The following DOCK7 variants were observed in gnomAD, a reference collection of about 807,000 sequenced individuals.
DOCK7 encodes dedicator of cytokinesis protein 7.
In DOCK7, 138 loss-of-function variants were observed where a neutral mutation model predicts 271.0. The ratio of observed to expected loss-of-function variants is 0.51; its 90% CI spans 0.44 to 0.59. DOCK7 has a LOEUF of 0.59. Among genes scored for constraint, DOCK7 ranks in the 20% least tolerant of loss-of-function variants. DOCK7 has a pLI of 0.00. For missense variants in DOCK7, 2,066 were observed against 2,592.4 expected, an observed-to-expected ratio of 0.80 and a Z score of 4.41; for synonymous variants, 823 against 876.1, an observed-to-expected ratio of 0.94 and a Z score of 1.07.
intron 14 of DOCK7, chr1:62,598,724 T>C (rs201752007): frequency 1.3e-5 from 21 of 1,610,708 alleles, no homozygotes; most frequent in Non-Finnish European, 1.7e-5. Context: ...GATAATAGCA[T>C]CAAAGACCTT....
chr1:62,527,063 T>C (rs1204117445), intron 31 of DOCK7, among the ~76,000 whole-genome samples: 1 of 152,186 alleles, frequency 6.6e-6, no homozygotes, highest in Non-Finnish European at 1.5e-5. Context: ...TTTTTTGATA[T>C]GTAAATAATC....
intron 21 of DOCK7, 98 bp downstream of exon 21, chr1:62,555,727 G>T (rs148296572): frequency 1.5e-6 from 2 of 1,357,726 alleles, no homozygotes; most frequent in Non-Finnish European, 2.0e-6. Context: ...GTTTGCCTTT[G>T]AATAAATGGA....
Position 62,577,297 on chromosome 1 carries a change from T to C in DOCK7, c.2077A>G (p.Lys693Glu). ...GQFCLPVSLE[K>E]PPQAYSVLSP... Reference sequence around the variant, plus strand: ...AGTACAGAATAAGCCTGTGGTGGTTTTTCCAATGAGACTGGCAAGCAAAAC... The same window carrying C: ...AGTACAGAATAAGCCTGTGGTGGTTCTTCCAATGAGACTGGCAAGCAAAAC... The change falls in exon 18 of 50, where the codon AAA becomes GAA. Residue 693 changes from lysine (K) to glutamate (E), a missense_variant. Transcript: ENST00000635253. The C allele has an allele frequency of 6.3e-7, 1 of 1,592,168 alleles. No homozygotes were observed. Among genetic ancestry groups the C allele is most frequent in the Non-Finnish European group, 8.6e-7 (1 of 1,166,870 alleles).
At chr1:62,473,942 G>T in intron 48 of DOCK7, 40 bp downstream of exon 48, 1 of 1,539,380 alleles carries the variant, frequency 6.5e-7, no homozygotes, top group Non-Finnish European at 9.0e-7. Context: ...GTATTGGACA[G>T]TCTCAATTTG....
chr1:62,530,090 T>C (rs1645129128), intron 29 of DOCK7, among the ~76,000 whole-genome samples: 2 of 152,224 alleles, frequency 1.3e-5, no homozygotes. Flanking sequence ...ACTTTAACTA[T>C]GCAAACCATT....
chr1:62,481,455 T>C (rs1304203452), intron 43 of DOCK7: 1 of 152,222 alleles, frequency 6.6e-6, no homozygotes, highest in African/African-American at 2.4e-5. Context: ...ACAGTCATAT[T>C]GCTTCGCCTG....
chr1:62,573,660 A>G (rs1257844942), intron 18 of DOCK7, among the ~76,000 whole-genome samples: 1 of 152,236 alleles, frequency 6.6e-6, no homozygotes, highest in African/African-American at 2.4e-5. Context: ...TTTTAAAAGT[A>G]ATTTTAAAAG....
rs114163832 is a variant in DOCK7, at chr1:62,623,604, A to G, written c.1425+1655T>C. Among the ~76,000 whole-genome samples, 851 of 152,336 alleles carry G rather than the reference A, an allele frequency of 5.6e-3. 9 individuals are homozygous for G. The highest frequency in any genetic ancestry group is 0.02 in the African/African-American group (813 of 41,578). The stretch of plus-strand genomic sequence containing the variant: ...TGAAAAGAAAGCTGTGGAAATACCA[A>G]CAGAAGTGGTGTAGCAGCTGAAGAA... On this transcript the variant is annotated intron_variant, in intron 12 of 49. Coordinates refer to ENST00000635253, the MANE Select transcript of DOCK7 (RefSeq NM_001367561.1).
intron 31 of DOCK7, among the ~76,000 whole-genome samples, 172 bp downstream of exon 31, chr1:62,527,979 T>C (rs948725364): frequency 6.6e-6 from 1 of 152,212 alleles, no homozygotes; most frequent in African/African-American, 2.4e-5. Flanking sequence ...GTAATCATTT[T>C]TTAAAACTGT....
intron 48 of DOCK7, among the ~76,000 whole-genome samples, chr1:62,464,480 G>T (rs570811229): frequency 2.0e-5 from 3 of 150,546 alleles, no homozygotes; most frequent in African/African-American, 7.3e-5. Context: ...TCAGGAGTTC[G>T]AGACCAGCCA....
In DOCK7 at chr1:62,460,749, T is replaced by C. The variant is rs1025370984; in HGVS notation, c.6213-3044A>G. On this transcript the variant is annotated intron_variant, in intron 48 of 49. Coordinates refer to ENST00000635253, the MANE Select transcript of DOCK7 (RefSeq NM_001367561.1). ...TCAGCTCACTGCAGCTTTGATCTCC[T>C]GGGCTCAAGGGATCCTTCCACCTTA... 2.0e-5 allele frequency among the ~76,000 whole-genome samples: 3 copies of C among 152,122 alleles called. No homozygotes were observed. The South Asian group carries it at 6.2e-4, about 32-fold the overall frequency.
intron 34 of DOCK7, among the ~76,000 whole-genome samples, chr1:62,510,119 TATTG>T (rs1644440171): frequency 6.6e-6 from 1 of 152,240 alleles, no homozygotes; most frequent in African/African-American, 2.4e-5. Flanking sequence ...CATGTAAGTG[TATTG>T]TAGGTGTTTA....
chr1:62,593,947 T>C (rs1648841523), intron 14 of DOCK7, among the ~76,000 whole-genome samples: 1 of 152,210 alleles, frequency 6.6e-6, no homozygotes, highest in Non-Finnish European at 1.5e-5. Flanking sequence ...TCCATAAGAT[T>C]ACACAACCTC....
chr1:62,685,642 A>C (rs1238432789), intron 1 of DOCK7, among the ~76,000 whole-genome samples: 1 of 152,096 alleles, frequency 6.6e-6, no homozygotes, highest in Non-Finnish European at 1.5e-5. Context: ...AACCAAATAG[A>C]TATTTCTCTC....
chr1:62,641,205 T>G (rs987470950), intron 7 of DOCK7: 17 of 383,110 alleles, frequency 4.4e-5, no homozygotes, highest in Non-Finnish European at 6.5e-5. Flanking sequence ...TATAGACTCA[T>G]GAGCTGTCTT....
chr1:62,570,146 G>GA (rs1158061729), intron 18 of DOCK7, among the ~76,000 whole-genome samples: 1 of 152,200 alleles, frequency 6.6e-6, no homozygotes. Flanking sequence ...CCTCTATCTA[G>GA]AAAAACCCAC....
chr1:62,491,250 C>T (rs746223927), intron 41 of DOCK7, among the ~76,000 whole-genome samples: 5 of 152,156 alleles, frequency 3.3e-5, no homozygotes, highest in Admixed American at 2.0e-4. Context: ...TGGTGAAGAA[C>T]GAATCAATTC....
At chr1:62,492,118 C>T (rs975518076) in intron 41 of DOCK7, among the ~76,000 whole-genome samples, 19 of 151,150 alleles carry the variant, frequency 1.3e-4, no homozygotes, top group African/African-American at 4.4e-4. Context: ...ACCCAGGAGG[C>T]TGAGGTGGGA....
Position 62,474,057 on chromosome 1 carries a change from G to A in DOCK7, c.6137C>T (p.Ser2046Phe). The A allele has an allele frequency of 6.2e-7, 1 of 1,613,876 alleles. No homozygotes were observed. The highest frequency in any genetic ancestry group is 8.5e-7 in the Non-Finnish European group (1 of 1,179,882). Reference sequence around the variant, plus strand: ...GAGCTTTGGGTCACTAGGTATTTCAGACAGAAAAACCTGGGCAACTTCCAA... The same window carrying A: ...GAGCTTTGGGTCACTAGGTATTTCAAACAGAAAAACCTGGGCAACTTCCAA... ...GPLEVAQVFL[S>F]EIPSDPKLFR... The change falls in exon 48 of 50, where the codon TCT becomes TTT. Residue 2046 changes from serine (S) to phenylalanine (F), a missense_variant. Transcript: ENST00000635253.
Sources: allele counts gnomAD v4.1 joint callset (sites outside exome capture counted in the v4.1 genomes callset), GRCh38; gene constraint gnomAD v4.1.1; transcripts MANE v1.5; gene names NCBI Gene and HGNC (gene_info 2026-07-23, HGNC 2026-07-21).